The following PIK3CD variants were observed in gnomAD, a reference collection of about 807,000 sequenced individuals.
PIK3CD encodes phosphatidylinositol 4,5-bisphosphate 3-kinase catalytic subunit delta isoform.
In PIK3CD, 20 loss-of-function variants were observed where a neutral mutation model predicts 122.9. That is an observed-to-expected ratio of 0.16 (90% CI 0.11 to 0.24). PIK3CD has a LOEUF of 0.24. Ranked by LOEUF, PIK3CD falls within the 10% of genes least tolerant of loss-of-function variation. The pLI is 1.00. For missense variants in PIK3CD, 787 were observed against 1,406.3 expected (o/e 0.56, Z 7.04); for synonymous variants, 596 against 593.4 (o/e 1.00, Z -0.06).
chr1:9,646,300 A>T, the PIK3CD span, among the ~76,000 whole-genome samples: 4 of 152,224 alleles, frequency 2.6e-5, no homozygotes, highest in East Asian at 7.7e-4. Flanking sequence ...CAGCCCCGGT[A>T]AGTTCATAGT....
In PIK3CD at chr1:9,719,064, C is replaced by T. The variant is rs547083155; in HGVS notation, c.1242+149C>T. Reference sequence around the variant, plus strand: ...TTGTGGACCCCAGCCTCCTCACCCACCCTAGTCTGGCCACCAGCCCTGCTC... The same window carrying T: ...TTGTGGACCCCAGCCTCCTCACCCATCCTAGTCTGGCCACCAGCCCTGCTC... On this transcript the variant is annotated intron_variant, in intron 9 of 23. Coordinates refer to ENST00000377346, the MANE Select transcript of PIK3CD (RefSeq NM_005026.5). The surrounding 1 kb of genome is among the most constrained non-coding windows in gnomAD (Gnocchi z 5.5). 2.1e-5 allele frequency: 16 copies of T among 763,882 alleles called. No homozygotes were observed. The African/African-American group carries it at 2.6e-4, about 12-fold the overall frequency. 47.3% of individuals were successfully genotyped at this position (763,882 alleles called of 1,614,324 possible). A position where few individuals can be genotyped will look rare whatever the true frequency, so the allele number is the denominator to read the frequency against.
rs375193679 is a variant in PIK3CD, at chr1:9,652,337, G to A, written c.-138+535G>A. ...GGCTGCGCACAGTTCGCCGGCGCCC[G>A]GGTCCTGTGCGCCCTTCCCAGCCTG... On this transcript the variant is annotated intron_variant, in intron 1 of 23. Coordinates refer to ENST00000377346, the MANE Select transcript of PIK3CD (RefSeq NM_005026.5). This position sits in a 1 kb window ranked among gnomAD's most constrained non-coding sequence, Gnocchi z 6.2. Among the ~76,000 whole-genome samples the A allele has an allele frequency of 9.9e-5, 15 of 152,278 alleles. No homozygotes were observed. Among genetic ancestry groups the A allele is most frequent in the Middle Eastern group, 3.4e-3 (1 of 292 alleles).
Position 9,720,554 on chromosome 1 carries a change from G to A in PIK3CD, c.1471-57G>A, listed in dbSNP as rs1278424142. 5.8e-6 allele frequency: 9 copies of A among 1,548,364 alleles called. No individual in the cohort carries two copies. The highest frequency in any genetic ancestry group is 5.2e-6 in the Non-Finnish European group (6 of 1,145,730). ...TGGGGTGGCAATGCCCGGCCTGGGG[G>A]TCCTGCCCGGGCTGGTCCAGGCCCC... On this transcript the variant is annotated intron_variant, in intron 11 of 23. Coordinates refer to ENST00000377346, the MANE Select transcript of PIK3CD (RefSeq NM_005026.5). The surrounding 1 kb of genome is among the most constrained non-coding windows in gnomAD (Gnocchi z 9.0).
At position 9,724,547 on chromosome 1, in the gene PIK3CD, C is replaced by T; in HGVS notation, c.2864+126C>T. The T allele has an allele frequency of 8.6e-7, 1 of 1,158,526 alleles. No individual in the cohort carries two copies. Among genetic ancestry groups the T allele is most frequent in the Non-Finnish European group, 1.3e-6 (1 of 788,716 alleles). The allele number at this position is 1,158,526 out of a possible 1,614,324, so 71.8% of individuals were successfully genotyped here. On this transcript the variant is annotated intron_variant, in intron 22 of 23. Transcript: ENST00000377346. This position sits in a 1 kb window ranked among gnomAD's most constrained non-coding sequence, Gnocchi z 7.3. ...CCCCACACCTGGCCCCTCACCCCAACTGTTGATGGGTTTGGAACATGCCCC... is the reference window on the plus strand; with the variant it reads ...CCCCACACCTGGCCCCTCACCCCAATTGTTGATGGGTTTGGAACATGCCCC...
chr1:9,710,632 C>G lies in PIK3CD; in HGVS notation c.141+36C>G, dbSNP rs1647007300. The G allele has an allele frequency of 1.5e-6, 2 of 1,316,774 alleles. No homozygotes were observed. The highest frequency in any genetic ancestry group is 3.0e-5 in the African/African-American group (2 of 67,168). The allele number at this position is 1,316,774 out of a possible 1,614,324, so 81.6% of individuals were successfully genotyped here. ...CATCCGGTCCTCAGACCTTGGTGCT[C>G]AGAGAGAGAGAGAGAGAGAGAGACA... On this transcript the variant is annotated intron_variant, in intron 3 of 23. Coordinates refer to ENST00000377346, the MANE Select transcript of PIK3CD (RefSeq NM_005026.5). This position sits in a 1 kb window ranked among gnomAD's most constrained non-coding sequence, Gnocchi z 4.7.
chr1:9,715,340 A>T lies in PIK3CD; in HGVS notation c.142-201A>T, dbSNP rs1343178243. On this transcript the variant is annotated intron_variant, in intron 3 of 23. Coordinates refer to ENST00000377346, the MANE Select transcript of PIK3CD (RefSeq NM_005026.5). This position sits in a 1 kb window ranked among gnomAD's most constrained non-coding sequence, Gnocchi z 4.1. Reference sequence around the variant, plus strand: ...ATCCCAGCACCTCCCAGGTGCCCCCACAGAAGGGCATCAGTGGAGAAGCCT... The same window carrying T: ...ATCCCAGCACCTCCCAGGTGCCCCCTCAGAAGGGCATCAGTGGAGAAGCCT... Among the ~76,000 whole-genome samples, 3 of 152,058 alleles carry T rather than the reference A, an allele frequency of 2.0e-5. No homozygotes were observed. The highest frequency in any genetic ancestry group is 4.4e-5 in the Non-Finnish European group (3 of 67,978).
At position 9,652,523 on chromosome 1, in the gene PIK3CD, G is replaced by C. The variant is rs1644708907; in HGVS notation, c.-138+721G>C. ...CGAGATCAGCTCCGGATCTGCGGCC[G>C]AGCCGGGGTTACGCCGGCAAAACCG... On this transcript the variant is annotated intron_variant, in intron 1 of 23. Coordinates refer to ENST00000377346, the MANE Select transcript of PIK3CD (RefSeq NM_005026.5). The surrounding 1 kb of genome is among the most constrained non-coding windows in gnomAD (Gnocchi z 6.2). 6.6e-6 allele frequency: 1 copy of C among 152,254 alleles called. No homozygotes were observed. Among genetic ancestry groups the C allele is most frequent in the Non-Finnish European group, 1.5e-5 (1 of 68,040 alleles). 9.4% of individuals were successfully genotyped at this position (152,254 alleles called of 1,614,324 possible).
At chr1:9,702,007 T>TG (rs1646651257) in intron 2 of PIK3CD, among the ~76,000 whole-genome samples, 1 of 151,674 alleles carries the variant, frequency 6.6e-6, no homozygotes, top group South Asian at 2.1e-4. Flanking sequence ...TGGTTTTTTT[T>TG]TTTTTGAGAT....
intron 1 of PIK3CD, among the ~76,000 whole-genome samples, chr1:9,664,615 A>T (rs535464887): frequency 1.3e-5 from 2 of 152,292 alleles, no homozygotes; most frequent in African/African-American, 4.8e-5. Context: ...TTTGCAAACG[A>T]GGCATTGTTC....
At chr1:9,681,653 CCCCGCCT>C (rs1225626042) in intron 1 of PIK3CD, among the ~76,000 whole-genome samples, 3 of 151,786 alleles carry the variant, frequency 2.0e-5, no homozygotes, top group Non-Finnish European at 2.9e-5. Context: ...CTGCTCGCCT[CCCCGCCT>C]CGGGCTCCAA....
In PIK3CD at chr1:9,724,458, G is replaced by A; in HGVS notation, c.2864+37G>A. On this transcript the variant is annotated intron_variant, in intron 22 of 23. Transcript: ENST00000377346. This position sits in a 1 kb window ranked among gnomAD's most constrained non-coding sequence, Gnocchi z 7.3. ...TGAGCCCCACCAGATGCCCCTCGGT[G>A]TGGGGCCCCAGGGAACAGGGCAGAG... is the stretch of plus-strand genomic sequence containing the variant. The A allele has an allele frequency of 6.2e-7, 1 of 1,612,760 alleles. No individual in the cohort carries two copies. Among genetic ancestry groups the A allele is most frequent in the Non-Finnish European group, 8.5e-7 (1 of 1,179,360 alleles).
chr1:9,638,840 A>T, the PIK3CD span, among the ~76,000 whole-genome samples: 9 of 129,894 alleles, frequency 6.9e-5, no homozygotes, highest in East Asian at 2.4e-3. Context: ...CCTTGGTGTG[A>T]TCTCGGCTCA....
intron 2 of PIK3CD, among the ~76,000 whole-genome samples, chr1:9,703,801 T>C (rs933260082): frequency 6.6e-6 from 1 of 152,244 alleles, no homozygotes; most frequent in African/African-American, 2.4e-5. Flanking sequence ...GGAGCCATCA[T>C]GAATAGTGAT....
At chr1:9,691,005 A>C (rs760501153) in intron 1 of PIK3CD, among the ~76,000 whole-genome samples, 10 of 152,004 alleles carry the variant, frequency 6.6e-5, no homozygotes, top group Non-Finnish European at 1.5e-4. Context: ...CTTCCTTTTT[A>C]TCTCCAGCCC....
intron 1 of PIK3CD, among the ~76,000 whole-genome samples, chr1:9,691,151 C>A (rs1424900242): frequency 1.3e-5 from 2 of 152,210 alleles, no homozygotes; most frequent in East Asian, 3.8e-4. Context: ...AGATCAATTA[C>A]TTTGCTTTCA....
chr1:9,695,999 T>C (rs1322093832), intron 2 of PIK3CD, among the ~76,000 whole-genome samples: 1 of 148,384 alleles, frequency 6.7e-6, no homozygotes, highest in Non-Finnish European at 1.5e-5. Context: ...TGAGATAAGG[T>C]GTTTCTCTGT....
intron 1 of PIK3CD, among the ~76,000 whole-genome samples, chr1:9,682,299 G>C (rs929959076): frequency 2.6e-5 from 4 of 152,112 alleles, no homozygotes; most frequent in Non-Finnish European, 5.9e-5. Context: ...CCAGGCTGGA[G>C]TGCAGTGGCG....
the PIK3CD span, among the ~76,000 whole-genome samples, chr1:9,628,571 G>A: frequency 1.7e-4 from 26 of 152,222 alleles, no homozygotes; most frequent in Non-Finnish European, 2.4e-4. Flanking sequence ...GGGAGGATGG[G>A]CCAGTGGTGG....
the PIK3CD span, among the ~76,000 whole-genome samples, chr1:9,629,921 G>A: frequency 0.011 from 1,637 of 152,228 alleles, 33 homozygotes; most frequent in African/African-American, 0.038. Flanking sequence ...ATGGGGTGAG[G>A]GGGGAGTGGG....
Sources: gnomAD v4.1 joint callset for allele counts (sites outside exome capture counted in the v4.1 genomes callset) on GRCh38, gnomAD v4.1.1 for gene constraint, Gnocchi (gnomAD v3.1) non-coding constraint, MANE v1.5 for transcripts, NCBI Gene and HGNC (gene_info 2026-07-23, HGNC 2026-07-21) for gene names.